The following HGF variants were observed in gnomAD, a reference collection of about 807,000 sequenced individuals.
HGF encodes fibroblast-derived tumor cytotoxic factor.
In HGF, 39 loss-of-function variants were observed where a neutral mutation model predicts 111.6. That is an observed-to-expected ratio of 0.35 (90% CI 0.27 to 0.46). The LOEUF is 0.46. Among genes scored for constraint, HGF ranks in the 20% least tolerant of loss-of-function variants. The pLI, the probability that HGF is intolerant of heterozygous loss-of-function variation, is 1.00. For missense variants in HGF, 735 were observed against 910.5 expected, an observed-to-expected ratio of 0.81 and a Z score of 2.48; for synonymous variants, 285 against 294.8, an observed-to-expected ratio of 0.97 and a Z score of 0.34.
At chr7:81,718,529 G>T (rs1029216186) in intron 10 of HGF, among the ~76,000 whole-genome samples, 1 of 152,172 alleles carries the variant, frequency 6.6e-6, no homozygotes, top group African/African-American at 2.4e-5. Context: ...AGCCAAAATG[G>T]TACCATGTGA....
intron 7 of HGF, among the ~76,000 whole-genome samples, chr7:81,741,789 T>C (rs1323140434): frequency 6.6e-6 from 1 of 151,428 alleles, no homozygotes; most frequent in East Asian, 1.9e-4. Flanking sequence ...AAATACAAAA[T>C]TAGCTGAGTT....
At chr7:81,746,891 T>A (rs1293893517) in intron 5 of HGF, among the ~76,000 whole-genome samples, 1 of 152,148 alleles carries the variant, frequency 6.6e-6, no homozygotes, top group Non-Finnish European at 1.5e-5. Flanking sequence ...CAAATATGAA[T>A]GTGTGCAAAA....
At chr7:81,750,893 CA>C (rs1293579070) in intron 5 of HGF, 22 of 828,794 alleles carry the variant, frequency 2.7e-5, no homozygotes, top group Non-Finnish European at 3.1e-5. Context: ...CAGACTTGTT[CA>C]AAACGTGATC....
chr7:81,767,692 T>C (rs1789433579), intron 1 of HGF, among the ~76,000 whole-genome samples: 1 of 152,210 alleles, frequency 6.6e-6, no homozygotes, highest in Non-Finnish European at 1.5e-5. Context: ...TTTAAAAAAG[T>C]ATCTCCATAG....
rs1355976826 is a variant in HGF at position 81,705,749 on chromosome 7, C to T, written c.1762G>A (p.Ala588Thr). Residue 588 changes from alanine to threonine, a missense_variant, in exon 16 of 18, where the codon GCT (alanine) becomes ACT (threonine). This residue lies in a region of HGF where 130 missense variants were observed against 129.9 expected (regional missense o/e 1.00). Coordinates refer to ENST00000222390, the MANE Select transcript of HGF (RefSeq NM_000601.6). ...GTACTAACAAAATCATCCAGGACAG[C>T]AGGCCTGAAAACACAAAATACAATG... ...DLVLMKLARP[A>T]VLDDFVSTID... 2 of 1,602,044 alleles carry T rather than the reference C, an allele frequency of 1.2e-6. No individual in the cohort carries two copies. Among genetic ancestry groups the T allele is most frequent in the Non-Finnish European group, 1.7e-6 (2 of 1,169,928 alleles).
intron 9 of HGF, among the ~76,000 whole-genome samples, chr7:81,723,445 T>A (rs1789926114): frequency 6.6e-6 from 1 of 152,068 alleles, no homozygotes; most frequent in South Asian, 2.1e-4. Flanking sequence ...TGATTTTTGG[T>A]TACAATTTTC....
At chr7:81,703,897 T>C (rs1789354214) in intron 17 of HGF, among the ~76,000 whole-genome samples, 1 of 151,736 alleles carries the variant, frequency 6.6e-6, no homozygotes, top group African/African-American at 2.4e-5. Flanking sequence ...CAAGAGACTA[T>C]ATAAACTATG....
In HGF at chr7:81,750,968, T is replaced by C. The variant is rs538518912; in HGVS notation, c.625+1152A>G. ...TGAAGAGGTTATAGGGAACAGAATA[T>C]GATATGGAATGGAAAGTAAGAATTT... On this transcript the variant is annotated intron_variant, in intron 5 of 17. Coordinates refer to ENST00000222390, the MANE Select transcript of HGF (RefSeq NM_000601.6). 25 of 942,566 alleles carry C rather than the reference T, an allele frequency of 2.7e-5. No homozygotes were observed. In the East Asian group the frequency reaches 2.4e-3, roughly 92 times the overall value. The allele number at this position is 942,566 out of a possible 1,614,324, so 58.4% of individuals were successfully genotyped here.
chr7:81,736,718 G>A (rs193043625), intron 7 of HGF: 311 of 477,918 alleles, frequency 6.5e-4, no homozygotes, highest in East Asian at 4.8e-3. Context: ...ATGAGGCAAA[G>A]GAAGAAAATC....
intron 5 of HGF, among the ~76,000 whole-genome samples, 160 bp from the exon 6 acceptor site, chr7:81,745,280 A>G (rs998319430): frequency 6.6e-6 from 1 of 152,226 alleles, no homozygotes; most frequent in African/African-American, 2.4e-5. Context: ...ATAAATAGTG[A>G]CATAAACTAC....
At chr7:81,729,511 T>C in intron 8 of HGF, 94 bp downstream of exon 8, 1 of 925,548 alleles carries the variant, frequency 1.1e-6, no homozygotes, top group Non-Finnish European at 1.8e-6. Flanking sequence ...ACGCTGAAGT[T>C]TGATCACTAA....
At chr7:81,724,958 G>A (rs1208504928) in intron 9 of HGF, among the ~76,000 whole-genome samples, 2 of 152,116 alleles carry the variant, frequency 1.3e-5, no homozygotes, top group Non-Finnish European at 2.9e-5. Flanking sequence ...AAATGCAATG[G>A]TGATTTCCCT....
At chr7:81,714,003 T>TGTGC (rs1345227393) in intron 11 of HGF, among the ~76,000 whole-genome samples, 1 of 150,786 alleles carries the variant, frequency 6.6e-6, no homozygotes, top group African/African-American at 2.4e-5. Flanking sequence ...TGTGTGTGTG[T>TGTGC]GTGTGTGTGT....
At chr7:81,745,748 T>A (rs1005785451) in intron 5 of HGF, among the ~76,000 whole-genome samples, 1 of 152,242 alleles carries the variant, frequency 6.6e-6, no homozygotes, top group African/African-American at 2.4e-5. Context: ...TGGCTTAGGA[T>A]AGAAGATGAC....
At chr7:81,741,797 G>A (rs1213493466) in intron 7 of HGF, among the ~76,000 whole-genome samples, 1 of 151,852 alleles carries the variant, frequency 6.6e-6, no homozygotes, top group African/African-American at 2.4e-5. Flanking sequence ...AATTAGCTGA[G>A]TTTGGTGGTG....
At chr7:81,734,870 C>CT (rs1787775156) in intron 7 of HGF, among the ~76,000 whole-genome samples, 1 of 152,044 alleles carries the variant, frequency 6.6e-6, no homozygotes, top group Non-Finnish European at 1.5e-5. Flanking sequence ...ACCCAGATTT[C>CT]CCAATGGAGA....
intron 5 of HGF, among the ~76,000 whole-genome samples, chr7:81,748,936 G>T (rs2116083544): frequency 6.6e-6 from 1 of 152,252 alleles, no homozygotes; most frequent in East Asian, 1.9e-4. Flanking sequence ...TGAGTATACA[G>T]ACTAAAAGAG....
chr7:81,766,848 C>G (rs1789380845), intron 1 of HGF, among the ~76,000 whole-genome samples: 1 of 152,224 alleles, frequency 6.6e-6, no homozygotes, highest in African/African-American at 2.4e-5. Context: ...AACAAAAAAA[C>G]TTTCAGCTGC....
intron 4 of HGF, chr7:81,755,839 C>T (rs933621154): frequency 5.6e-6 from 3 of 537,784 alleles, no homozygotes; most frequent in Non-Finnish European, 6.6e-6. Context: ...TTGTTGTTTT[C>T]TGTTATTGAA....
Sources: gnomAD v4.1 joint callset for allele counts (sites outside exome capture counted in the v4.1 genomes callset) on GRCh38, gnomAD v4.1.1 for gene constraint, gnomAD v4.1.1 regional missense constraint, MANE v1.5 for transcripts, NCBI Gene and HGNC (gene_info 2026-07-23, HGNC 2026-07-21) for gene names.